RFX6: variants seen among roughly 807,000 people sequenced by gnomAD.
RFX6 encodes the protein regulatory factor X6.
RFX6 carries 50 observed loss-of-function variants against 110.8 expected under a neutral mutation model. That is an observed-to-expected ratio of 0.45 (90% CI 0.36 to 0.57). The LOEUF (loss-of-function observed/expected upper bound fraction) is 0.57, where lower values mean the gene tolerates loss of function less well. RFX6 is among the 20% of genes least tolerant of loss of function. The pLI is 0.00. For synonymous variants in RFX6, 383 were observed against 411.2 expected, an observed-to-expected ratio of 0.93 and a Z score of 0.83; for missense variants, 990 against 1,127.0, an observed-to-expected ratio of 0.88 and a Z score of 1.74.
chr6:116,902,277 G>A (rs1275861198), intron 6 of RFX6, among the ~76,000 whole-genome samples: 1 of 151,928 alleles, frequency 6.6e-6, no homozygotes, highest in African/African-American at 2.4e-5. Context: ...AATGTCTCAT[G>A]TCTTAATCAG....
intron 7 of RFX6, among the ~76,000 whole-genome samples, chr6:116,914,858 A>T (rs975636881): frequency 6.6e-6 from 1 of 152,212 alleles, no homozygotes; most frequent in African/African-American, 2.4e-5. Flanking sequence ...TAATTCATTT[A>T]GTCTTCCTAG....
At position 116,883,840 on chromosome 6, in the gene RFX6, C is replaced by CCATT. The variant is rs550797383; in HGVS notation, c.566+1416_566+1419dup. On this transcript the variant is annotated intron_variant, in intron 4 of 18. Coordinates refer to ENST00000332958, the MANE Select transcript of RFX6 (RefSeq NM_173560.4). ...CTGGCCTTGACTCTGTCTTTCTTGTCCATTCATGCAATTTTTCCAAACTGA... is the reference window on the plus strand; with the variant it reads ...CTGGCCTTGACTCTGTCTTTCTTGTCCATTCATTCATGCAATTTTTCCAAACTGA... 2.6e-3 allele frequency among the ~76,000 whole-genome samples: 389 copies of CCATT among 152,240 alleles called. 4 individuals are homozygous for CCATT. The highest frequency in any genetic ancestry group is 8.3e-3 in the African/African-American group (346 of 41,564).
chr6:116,929,708 G>A (rs987434860), intron 18 of RFX6, among the ~76,000 whole-genome samples: 5 of 152,016 alleles, frequency 3.3e-5, no homozygotes. Context: ...GATTTCACAG[G>A]GCAAGTATAT....
intron 7 of RFX6, among the ~76,000 whole-genome samples, chr6:116,912,311 A>G (rs1582527840): frequency 6.6e-6 from 1 of 152,066 alleles, no homozygotes; most frequent in Non-Finnish European, 1.5e-5. Context: ...ACAAACATGC[A>G]TATGTACCCT....
At chr6:116,918,125 G>A (rs1775508675) in intron 10 of RFX6, 39 bp downstream of exon 10, 2 of 1,391,986 alleles carry the variant, frequency 1.4e-6, no homozygotes, top group Non-Finnish European at 2.0e-6. Context: ...TCCTAGTATA[G>A]GATTTAACTT....
Position 116,923,184 on chromosome 6 carries a change from A to C in RFX6, c.1515A>C (p.Arg505=), listed in dbSNP as rs2114700103. The C allele has an allele frequency of 6.3e-7, 1 of 1,596,124 alleles. No individual in the cohort carries two copies. Among genetic ancestry groups the C allele is most frequent in the East Asian group, 2.2e-5 (1 of 44,694 alleles). The part of the protein sequence containing the change: ...FLLKWSFFGA[R]VMHNLTLNNA... ...TAAAGTGGAGTTTTTTTGGTGCTCG[A>C]GTAATGCATAATCTCACCTTGAACA... is the stretch of plus-strand genomic sequence containing the variant. The change falls in exon 14 of 19, where the codon CGA becomes CGC. Residue 505 remains arginine (R), a synonymous_variant. Transcript: ENST00000332958.
intron 13 of RFX6, 78 bp downstream of exon 13, chr6:116,922,229 G>T (rs546116374): frequency 6.3e-6 from 5 of 793,706 alleles, no homozygotes; most frequent in East Asian, 2.5e-5. Flanking sequence ...TTTTTGTCTG[G>T]GGGGAGAGGG....
At position 116,886,500 on chromosome 6, in the gene RFX6, G is replaced by C. The variant is rs1774701527; in HGVS notation, c.566+4072G>C. ...GTCCCTATATAAAACCCAAAGTTTG[G>C]AAAACACTAATCTATGTGACAAAGA... On this transcript the variant is annotated intron_variant, in intron 4 of 18. Coordinates refer to ENST00000332958, the MANE Select transcript of RFX6 (RefSeq NM_173560.4). 2.0e-5 allele frequency among the ~76,000 whole-genome samples: 3 copies of C among 152,116 alleles called. No homozygotes were observed. The South Asian group carries it at 6.2e-4, about 31-fold the overall frequency.
chr6:116,908,584 T>C (rs1174646852), intron 6 of RFX6, among the ~76,000 whole-genome samples: 3 of 151,908 alleles, frequency 2.0e-5, no homozygotes, highest in African/African-American at 4.8e-5. Context: ...TTTTCAAGGG[T>C]ATTTTACCAC....
At chr6:116,894,188 A>G in intron 5 of RFX6, 124 bp downstream of exon 5, 1 of 713,904 alleles carries the variant, frequency 1.4e-6, no homozygotes, top group Non-Finnish European at 2.6e-6. Context: ...TCAGACCTTA[A>G]TGTCCGCTTT....
At chr6:116,920,683 G>A (rs927851810) in intron 12 of RFX6, among the ~76,000 whole-genome samples, 1 of 150,516 alleles carries the variant, frequency 6.6e-6, no homozygotes, top group Non-Finnish European at 1.5e-5. Flanking sequence ...ACATCTGATT[G>A]AAAAAAAACC....
chr6:116,899,967 A>G (rs551233018), intron 6 of RFX6, among the ~76,000 whole-genome samples: 60 of 152,338 alleles, frequency 3.9e-4, no homozygotes, highest in African/African-American at 1.4e-3. Flanking sequence ...GAAGACCACA[A>G]TAAGTAGTAG....
At chr6:116,888,074 A>G (rs1481430098) in intron 4 of RFX6, among the ~76,000 whole-genome samples, 1 of 152,194 alleles carries the variant, frequency 6.6e-6, no homozygotes, top group Non-Finnish European at 1.5e-5. Flanking sequence ...AGCTGCTCTT[A>G]TCATAGCAAG....
intron 7 of RFX6, among the ~76,000 whole-genome samples, chr6:116,914,977 T>C (rs1312772854): frequency 6.6e-6 from 1 of 152,200 alleles, no homozygotes; most frequent in Non-Finnish European, 1.5e-5. Flanking sequence ...TAGTAATAAC[T>C]AGTAAGTGGC....
chr6:116,911,869 T>C (rs1775359597), intron 7 of RFX6, among the ~76,000 whole-genome samples: 1 of 152,156 alleles, frequency 6.6e-6, no homozygotes, highest in Non-Finnish European at 1.5e-5. Context: ...AATGGGCTTT[T>C]TGTAGAAATG....
chr6:116,927,738 T>C (rs959274447), intron 17 of RFX6, among the ~76,000 whole-genome samples, 199 bp downstream of exon 17: 1 of 140,558 alleles, frequency 7.1e-6, no homozygotes, highest in Admixed American at 7.2e-5. Context: ...AAGTTGCCCT[T>C]CTTCCTTTTT....
At chr6:116,906,657 G>A (rs1775208564) in intron 6 of RFX6, among the ~76,000 whole-genome samples, 1 of 151,784 alleles carries the variant, frequency 6.6e-6, no homozygotes, top group Admixed American at 6.6e-5. Flanking sequence ...TTTCTTTTCA[G>A]GCTGTTCATT....
intron 6 of RFX6, among the ~76,000 whole-genome samples, chr6:116,898,362 C>T (rs1484284758): frequency 1.3e-5 from 2 of 152,066 alleles, no homozygotes; most frequent in Non-Finnish European, 2.9e-5. Flanking sequence ...CAGGGTCTCA[C>T]TCTGTCACCC....
chr6:116,900,324 G>A (rs1192565727), intron 6 of RFX6, among the ~76,000 whole-genome samples: 1 of 151,956 alleles, frequency 6.6e-6, no homozygotes, highest in Admixed American at 6.6e-5. Flanking sequence ...GGCGTGATAT[G>A]GCTCATTGCA....
Sources: gnomAD v4.1 joint callset for allele counts (sites outside exome capture counted in the v4.1 genomes callset) on GRCh38, gnomAD v4.1.1 for gene constraint, MANE v1.5 for transcripts, NCBI Gene and HGNC (gene_info 2026-07-23, HGNC 2026-07-21) for gene names.